The following SLC5A9 variants were observed in gnomAD, a reference collection of about 807,000 sequenced individuals.
The protein encoded by SLC5A9 is solute carrier family 5 member 9, also known as sodium/glucose cotransporter 4.
In SLC5A9, 59 loss-of-function variants were observed where a neutral mutation model predicts 70.9. The ratio of observed to expected loss-of-function variants is 0.83; its 90% confidence interval spans 0.68 to 1.03. The LOEUF (loss-of-function observed/expected upper bound fraction) is 1.03, where lower values mean the gene tolerates loss of function less well. Ranked by LOEUF, SLC5A9 falls within the 50% of genes least tolerant of loss-of-function variation. The pLI, the probability that SLC5A9 is intolerant of heterozygous loss-of-function variation, is 0.00. For synonymous variants in SLC5A9, 340 were observed against 346.5 expected, an observed-to-expected ratio of 0.98 and a Z score of 0.21; for missense variants, 832 against 881.1, an observed-to-expected ratio of 0.94 and a Z score of 0.71.
In SLC5A9 at chr1:48,229,021, T is replaced by C. The variant is rs191510075; in HGVS notation, c.339+67T>C. 352 of 1,613,604 alleles carry C rather than the reference T, an allele frequency of 2.2e-4. 2 individuals are homozygous for C. The East Asian group carries it at 7.2e-3, about 33-fold the overall frequency. On this transcript the variant is annotated intron_variant, in intron 3 of 13. Coordinates refer to ENST00000438567, the MANE Select transcript of SLC5A9 (RefSeq NM_001011547.3). The stretch of plus-strand genomic sequence containing the variant: ...AACCCACCTCTGTCTCTGGCATTAG[T>C]GCTGGGAGGATCCTTAGAGATGCCT...
intron 8 of SLC5A9, 68 bp from the exon 9 acceptor site, chr1:48,233,587 A>G (rs2148576432): frequency 8.0e-7 from 1 of 1,251,692 alleles, no homozygotes; most frequent in Non-Finnish European, 1.2e-6. Flanking sequence ...AGTTTTGGAA[A>G]GCAAATACTA....
intron 2 of SLC5A9, 179 bp from the exon 3 acceptor site, chr1:48,228,671 C>T (rs1644199345): frequency 3.9e-6 from 4 of 1,020,358 alleles, no homozygotes; most frequent in Non-Finnish European, 5.5e-6. Flanking sequence ...CCTCTGTAAC[C>T]TGGGATGACT....
At chr1:48,228,123 C>T (rs1259210927) in intron 2 of SLC5A9, 1 of 152,210 alleles carries the variant, frequency 6.6e-6, no homozygotes, top group African/African-American at 2.4e-5. Flanking sequence ...TGGAGCCAGA[C>T]AGCCAGGGAT....
chr1:48,248,240 A>G lies in SLC5A9; in HGVS notation c.*697A>G, dbSNP rs1644480990. ...TAACCCAAATATGCACAAACTCTCT[A>G]TGGCCTTGAGAAGCAGTTGGAGAGA... On this transcript the variant is annotated 3_prime_UTR_variant, in exon 14 of 14. Coordinates refer to ENST00000438567, the MANE Select transcript of SLC5A9 (RefSeq NM_001011547.3). The G allele has an allele frequency of 6.6e-6, 1 of 152,670 alleles. No homozygotes were observed. Among genetic ancestry groups the G allele is most frequent in the South Asian group, 2.1e-4 (1 of 4,834 alleles). 9.5% of individuals were successfully genotyped at this position (152,670 alleles called of 1,614,324 possible).
At chr1:48,226,555 C>T (rs1324959389) in intron 2 of SLC5A9, among the ~76,000 whole-genome samples, 2 of 152,230 alleles carry the variant, frequency 1.3e-5, no homozygotes, top group South Asian at 2.1e-4. Context: ...TAAGAACCAG[C>T]TCTGGGTAGG....
At chr1:48,233,329 C>G (rs1205202841) in intron 8 of SLC5A9, among the ~76,000 whole-genome samples, 2 of 128,084 alleles carry the variant, frequency 1.6e-5, no homozygotes, top group African/African-American at 6.2e-5. Flanking sequence ...CCATTGCACT[C>G]TAGCCTGAGT....
At chr1:48,244,830 A>AAATTATATTTATATTATT in intron 13 of SLC5A9, among the ~76,000 whole-genome samples, 1 of 120,646 alleles carries the variant, frequency 8.3e-6, no homozygotes, top group African/African-American at 3.2e-5. Context: ...TATATTATAT[A>AAATTATATTTATATTATT]TATAAATTAT....
At chr1:48,228,747 T>G in intron 2 of SLC5A9, 103 bp from the exon 3 acceptor site, 1 of 1,549,988 alleles carries the variant, frequency 6.5e-7, no homozygotes, top group Non-Finnish European at 8.7e-7. Context: ...TGGCATACAG[T>G]GGGTACCCAA....
chr1:48,232,900 A>G (rs1385299274), intron 8 of SLC5A9, among the ~76,000 whole-genome samples: 4 of 143,820 alleles, frequency 2.8e-5, no homozygotes, highest in African/African-American at 1.0e-4. Context: ...AAAGGAAGGA[A>G]GGAAGGAGAA....
At chr1:48,231,472 C>T (rs927782672) in intron 5 of SLC5A9, 73 bp from the exon 6 acceptor site, 2 of 1,582,034 alleles carry the variant, frequency 1.3e-6, no homozygotes, top group Non-Finnish European at 1.7e-6. Context: ...CCAGTGTGGC[C>T]ATGCACAGGG....
intron 2 of SLC5A9, among the ~76,000 whole-genome samples, chr1:48,227,279 GTGTGTA>G (rs1232462175): frequency 1.8e-4 from 21 of 119,740 alleles, no homozygotes; most frequent in African/African-American, 5.5e-4. Context: ...CAGAGTGTGT[GTGTGTA>G]TGTGTGAGAG....
At chr1:48,224,197 T>C (rs542176761) in intron 1 of SLC5A9, among the ~76,000 whole-genome samples, 10 of 152,260 alleles carry the variant, frequency 6.6e-5, no homozygotes, top group Admixed American at 2.0e-4. Context: ...TGGGGCTCAG[T>C]GGCGTGATCT....
In SLC5A9 at chr1:48,239,995, C is replaced by T. The variant is rs545336783; in HGVS notation, c.1677+458C>T. On this transcript the variant is annotated intron_variant, in intron 12 of 13. Coordinates refer to ENST00000438567, the MANE Select transcript of SLC5A9 (RefSeq NM_001011547.3). The surrounding 1 kb of genome is among the most constrained non-coding windows in gnomAD (Gnocchi z 4.2). The stretch of plus-strand genomic sequence containing the variant: ...AGAGAATTTTTGAGTGGGCAAGAAA[C>T]AAATACAAGAGAAAAGAAACAGAGA... Among the ~76,000 whole-genome samples, 10 of 152,228 alleles carry T rather than the reference C, an allele frequency of 6.6e-5. No individual in the cohort carries two copies. In the East Asian group the frequency reaches 1.9e-3, roughly 29 times the overall value.
chr1:48,242,964 C>T (rs1644409517), intron 13 of SLC5A9, among the ~76,000 whole-genome samples: 1 of 145,694 alleles, frequency 6.9e-6, no homozygotes, highest in African/African-American at 2.5e-5. Flanking sequence ...TTGGCTCAGT[C>T]CTGTCCTTCC....
rs1253653086 is a variant in SLC5A9, at chr1:48,232,433, G to A, written c.964G>A (p.Gly322Ser). 10 of 1,614,086 alleles carry A rather than the reference G, an allele frequency of 6.2e-6. No individual in the cohort carries two copies. Among genetic ancestry groups the A allele is most frequent in the African/African-American group, 5.3e-5 (4 of 74,928 alleles). Residue 322 changes from glycine to serine, a missense_variant, in exon 8 of 14, where the codon GGC becomes AGC. By Grantham distance (56) the Gly-to-Ser change is moderately conservative. Transcript: ENST00000438567. Reference sequence around the variant, plus strand: ...TGCCAAGGGAGGCTCCGTGCTGGGGGGCTACCTGAAGATCCTCCCCATGTT... The same window carrying A: ...TGCCAAGGGAGGCTCCGTGCTGGGGAGCTACCTGAAGATCCTCCCCATGTT... ...SHAKGGSVLGGYLKILPMFFI... is the reference protein window; with the variant it reads ...SHAKGGSVLGSYLKILPMFFI...
At chr1:48,237,645 AGT>A in intron 10 of SLC5A9, 32 bp from the exon 11 acceptor site, 2 of 1,607,124 alleles carry the variant, frequency 1.2e-6, no homozygotes, top group Non-Finnish European at 8.5e-7. Context: ...TGCCCACCCG[AGT>A]GTGCCTCAGT....
In SLC5A9 at chr1:48,232,531, T is replaced by G. The variant is rs371830261; in HGVS notation, c.1033+29T>G. On this transcript the variant is annotated intron_variant, in intron 8 of 13. Coordinates refer to ENST00000438567, the MANE Select transcript of SLC5A9 (RefSeq NM_001011547.3). ...AGAACGAGCCTTGCTCTCTGGGTAT[T>G]GGGATCTGAGGCTTTCAAGGAGTGT... The G allele has an allele frequency of 2.2e-5, 36 of 1,612,924 alleles. No homozygotes were observed. In the African/African-American group the frequency reaches 3.9e-4, roughly 17 times the overall value.
At chr1:48,247,205 C>A in intron 13 of SLC5A9, 130 bp from the exon 14 acceptor site, 2 of 815,602 alleles carry the variant, frequency 2.5e-6, no homozygotes, top group Non-Finnish European at 3.9e-6. Flanking sequence ...AGTTTCTGTG[C>A]ACCCCCCATA....
At chr1:48,245,766 G>A (rs966661041) in intron 13 of SLC5A9, among the ~76,000 whole-genome samples, 1 of 152,152 alleles carries the variant, frequency 6.6e-6, no homozygotes, top group Non-Finnish European at 1.5e-5. Context: ...GTCAAGACCA[G>A]CCTGGGCAAC....
Sources: gnomAD v4.1 joint callset for allele counts (sites outside exome capture counted in the v4.1 genomes callset) on GRCh38, gnomAD v4.1.1 for gene constraint, Gnocchi (gnomAD v3.1) non-coding constraint, MANE v1.5 for transcripts, NCBI Gene and HGNC (gene_info 2026-07-23, HGNC 2026-07-21) for gene names.